Variants in NTN1 observed in about 807,000 individuals in gnomAD.
NTN1 encodes netrin-1.
Under a neutral mutation model 54.2 loss-of-function variants are expected in NTN1, and 11 were observed. The ratio of observed to expected loss-of-function variants is 0.20; its 90% CI spans 0.13 to 0.34. The LOEUF (loss-of-function observed/expected upper bound fraction) is 0.34. NTN1 is among the 10% of genes least tolerant of loss of function. The pLI, the probability that NTN1 is intolerant of heterozygous loss-of-function variation, is 1.00. For synonymous variants in NTN1, 371 were observed against 382.0 expected, an observed-to-expected ratio of 0.97 and a Z score of 0.33; for missense variants, 740 against 893.1, an observed-to-expected ratio of 0.83 and a Z score of 2.18.
intron 2 of NTN1, among the ~76,000 whole-genome samples, chr17:9,097,987 A>G (rs2092137527): frequency 6.6e-6 from 1 of 152,170 alleles, no homozygotes. Flanking sequence ...TAGATGAACT[A>G]TTCAAAACTG....
intron 2 of NTN1, among the ~76,000 whole-genome samples, chr17:9,130,261 T>C (rs2092260372): frequency 6.6e-6 from 1 of 152,122 alleles, no homozygotes; most frequent in Non-Finnish European, 1.5e-5. Flanking sequence ...TCCAGCACCA[T>C]GGGTCCTCAG....
At chr17:9,151,754 C>T (rs2092328165) in intron 2 of NTN1, among the ~76,000 whole-genome samples, 1 of 152,180 alleles carries the variant, frequency 6.6e-6, no homozygotes, top group African/African-American at 2.4e-5. Context: ...AGAGGTGAAG[C>T]CAGCTGGACT....
At chr17:9,106,927 A>G (rs531814794) in intron 2 of NTN1, among the ~76,000 whole-genome samples, 2 of 152,264 alleles carry the variant, frequency 1.3e-5, no homozygotes, top group South Asian at 4.1e-4. Context: ...ACCCCGTGCT[A>G]AACACTTAGG....
chr17:9,135,118 C>T lies in NTN1; in HGVS notation c.1019-27695C>T, dbSNP rs897912377. On this transcript the variant is annotated intron_variant, in intron 2 of 6. Transcript: ENST00000173229. The surrounding 1 kb of genome is among the most constrained non-coding windows in gnomAD (Gnocchi z 4.4). ...CCGAGGGCCCGGTAAGGCACATTGT[C>T]CCCCAGCCCCTGATGCTCCCGGCCC... Among the ~76,000 whole-genome samples, 2 of 152,222 alleles carry T rather than the reference C, an allele frequency of 1.3e-5. No homozygotes were observed. The highest frequency in any genetic ancestry group is 4.8e-5 in the African/African-American group (2 of 41,524).
chr17:9,237,834 T>A (rs889005817), intron 6 of NTN1, among the ~76,000 whole-genome samples: 2 of 152,192 alleles, frequency 1.3e-5, no homozygotes, highest in Admixed American at 6.5e-5. Flanking sequence ...GCCACTTCTC[T>A]GGGCTGGAGG....
rs571334142 is a variant in NTN1, at chr17:9,022,757, C to A, written c.384C>A (p.Phe128Leu). 3.1e-6 allele frequency: 5 copies of A among 1,609,702 alleles called. No homozygotes were observed. The African/African-American group carries it at 5.3e-5, about 17-fold the overall frequency. Residue 128 changes from phenylalanine (F) to leucine (L), a missense_variant, in exon 2 of 7, where the codon TTC becomes TTA. Phe to Leu is a conservative substitution (Grantham distance 22). Transcript: ENST00000173229. ...TCWQSENYLQ[F>L]PHNVTLTLSL... ...GGCAGTCCGAGAACTACCTGCAGTT[C>A]CCGCACAACGTCACGCTCACACTGT... is the stretch of plus-strand genomic sequence containing the variant.
intron 2 of NTN1, among the ~76,000 whole-genome samples, chr17:9,058,387 G>A (rs1322689601): frequency 6.6e-6 from 1 of 151,968 alleles, no homozygotes; most frequent in Non-Finnish European, 1.5e-5. Flanking sequence ...CTTTCTTATT[G>A]TCTCAGGTCA....
chr17:9,181,411 G>A (rs1028589364), intron 4 of NTN1, among the ~76,000 whole-genome samples: 2 of 152,192 alleles, frequency 1.3e-5, no homozygotes, highest in African/African-American at 2.4e-5. Flanking sequence ...CATTGGCTTC[G>A]GCTCCATTTG....
At chr17:9,045,952 G>A (rs1458982355) in intron 2 of NTN1, among the ~76,000 whole-genome samples, 5 of 152,286 alleles carry the variant, frequency 3.3e-5, no homozygotes, top group African/African-American at 7.2e-5. Flanking sequence ...TGTCATTTCC[G>A]TATCATCATT....
chr17:9,092,272 CTGAG>C lies in NTN1; in HGVS notation c.1018+68883_1018+68886del, dbSNP rs1180922775. ...GTCAGAATCTCCTTCCTTTTTAAGA[CTGAG>C]TAATACTCCATTGTATGGAGAGGCC... On this transcript the variant is annotated intron_variant, in intron 2 of 6. Transcript: ENST00000173229. Among the ~76,000 whole-genome samples the C allele has an allele frequency of 1.3e-4, 19 of 150,192 alleles. No homozygotes were observed. The East Asian group carries it at 1.4e-3, about 11-fold the overall frequency.
chr17:9,164,943 C>A lies in NTN1; in HGVS notation c.1207+1942C>A, dbSNP rs77485905. Among the ~76,000 whole-genome samples, 14 of 152,302 alleles carry A rather than the reference C, an allele frequency of 9.2e-5. No individual in the cohort carries two copies. The East Asian group carries it at 2.7e-3, about 29-fold the overall frequency. On this transcript the variant is annotated intron_variant, in intron 3 of 6. Transcript: ENST00000173229. Reference sequence around the variant, plus strand: ...AAGCCCCGGGAGAGATGGCTTTGGGCTTCCAGAGAACATAGTTGGAAGGTA... The same window carrying A: ...AAGCCCCGGGAGAGATGGCTTTGGGATTCCAGAGAACATAGTTGGAAGGTA...
intron 5 of NTN1, among the ~76,000 whole-genome samples, chr17:9,199,703 A>T (rs1433176453): frequency 6.6e-6 from 1 of 152,208 alleles, no homozygotes; most frequent in Non-Finnish European, 1.5e-5. Flanking sequence ...TCACATGACC[A>T]CCCCAACTAC....
At position 9,022,414 on chromosome 17, in the gene NTN1, C is replaced by T. The variant is rs1414739346; in HGVS notation, c.41C>T (p.Ala14Val). 2 of 1,343,026 alleles carry T rather than the reference C, an allele frequency of 1.5e-6. No individual in the cohort carries two copies. The highest frequency in any genetic ancestry group is 1.9e-6 in the Non-Finnish European group (2 of 1,058,188). The allele number at this position is 1,343,026 out of a possible 1,614,324, so 83.2% of individuals were successfully genotyped here. A position where few individuals can be genotyped will look rare whatever the true frequency, so the allele number is the denominator to read the frequency against. ...TGGGAGGCGCTGGCGGCGCTGGCGG[C>T]GGTGGCGTGCCTGGTGGGCGCGGTG... Reference protein sequence around the residue: ...AVWEALAALAAVACLVGAVRG... With the variant: ...AVWEALAALAVVACLVGAVRG... Residue 14 changes from alanine (A) to valine (V), a missense_variant, in exon 2 of 7, where the codon GCG (alanine) becomes GTG (valine). Physicochemically the swap from Ala to Val is moderately conservative, Grantham distance 64. Coordinates refer to ENST00000173229, the MANE Select transcript of NTN1 (RefSeq NM_004822.3).
rs1178454222 is a variant in NTN1 at position 9,073,914 on chromosome 17, T to C, written c.1018+50523T>C. On this transcript the variant is annotated intron_variant, in intron 2 of 6. Transcript: ENST00000173229. The stretch of plus-strand genomic sequence containing the variant: ...CTTTGTGGCTGTTTTCCTGGGCTGT[T>C]TCCTACCGTTTTTCATTCAAGGGAA... Among the ~76,000 whole-genome samples the C allele has an allele frequency of 2.0e-5, 3 of 152,234 alleles. No individual in the cohort carries two copies. In the East Asian group the frequency reaches 5.8e-4, roughly 29 times the overall value.
Position 9,239,853 on chromosome 17 carries a change from A to G in NTN1, c.1700A>G (p.Gln567Arg). Residue 567 changes from glutamine (Q) to arginine (R), a missense_variant, in exon 7 of 7, where the codon CAG (glutamine) becomes CGG (arginine). Transcript: ENST00000173229. The surrounding 1 kb of genome is among the most constrained non-coding windows in gnomAD (Gnocchi z 5.2). ...GGCAACGCGGAGGACTCTCCGGACC[A>G]GAGCGGCATCGTGGCCGATAAAAGC... ...LLGNAEDSPD[Q>R]SGIVADKSSL... The G allele has an allele frequency of 6.2e-7, 1 of 1,612,910 alleles. No individual in the cohort carries two copies. The highest frequency in any genetic ancestry group is 8.5e-7 in the Non-Finnish European group (1 of 1,179,850).
chr17:9,066,201 C>T (rs1211776445), intron 2 of NTN1, among the ~76,000 whole-genome samples: 1 of 152,162 alleles, frequency 6.6e-6, no homozygotes, highest in Admixed American at 6.5e-5. Flanking sequence ...GCAGGAGGAT[C>T]ACTTGAGCTG....
chr17:9,169,348 G>A (rs75951980), intron 3 of NTN1, among the ~76,000 whole-genome samples: 6,379 of 152,318 alleles, frequency 0.042, 538 homozygotes, highest in East Asian at 0.36. Context: ...AGCTGGTAGA[G>A]CCAGGAAATT....
At chr17:9,118,001 T>C (rs1194582594) in intron 2 of NTN1, among the ~76,000 whole-genome samples, 1 of 152,158 alleles carries the variant, frequency 6.6e-6, no homozygotes, top group Non-Finnish European at 1.5e-5. Flanking sequence ...CTCAAGAGCG[T>C]AGCTCATGGG....
At position 9,022,298 on chromosome 17, in the gene NTN1, C is replaced by T. The variant is rs920655005; in HGVS notation, c.-63-13C>T. The T allele has an allele frequency of 4.8e-6, 6 of 1,250,694 alleles. No individual in the cohort carries two copies. Among genetic ancestry groups the T allele is most frequent in the East Asian group, 3.2e-5 (1 of 30,962 alleles). 77.5% of individuals were successfully genotyped at this position (1,250,694 alleles called of 1,614,324 possible). ...GGGCGGGCTGGCTGAGCGCAGCTCCCTTCTCTCCGCAGGCGCCTTCTGCGG... is the reference window on the plus strand; with the variant it reads ...GGGCGGGCTGGCTGAGCGCAGCTCCTTTCTCTCCGCAGGCGCCTTCTGCGG... On this transcript the variant is annotated splice_polypyrimidine_tract_variant and intron_variant, in intron 1 of 6. Transcript: ENST00000173229.
Sources: gnomAD v4.1 joint callset for allele counts (sites outside exome capture counted in the v4.1 genomes callset) on GRCh38, gnomAD v4.1.1 for gene constraint, Gnocchi (gnomAD v3.1) non-coding constraint, MANE v1.5 for transcripts, NCBI Gene and HGNC (gene_info 2026-07-23, HGNC 2026-07-21) for gene names.